MYRIP: variants seen among roughly 807,000 people sequenced by gnomAD.
MYRIP encodes myosin VIIA and Rab interacting protein, also known as rab effector MyRIP.
MYRIP carries 49 observed loss-of-function variants against 98.0 expected under a neutral mutation model. That is an observed-to-expected ratio of 0.50 (90% CI 0.40 to 0.63). MYRIP has a LOEUF of 0.63. Ranked by LOEUF, MYRIP falls within the 30% of genes least tolerant of loss-of-function variation. The pLI is 0.00. For synonymous variants in MYRIP, 404 were observed against 409.5 expected (o/e 0.99, Z 0.16); for missense variants, 1,004 against 1,058.2 (o/e 0.95, Z 0.71).
chr3:39,971,432 A>G (rs147943107), intron 2 of MYRIP, among the ~76,000 whole-genome samples: 2 of 152,044 alleles, frequency 1.3e-5, no homozygotes, highest in South Asian at 2.1e-4. Flanking sequence ...TAGATAATAG[A>G]TAGTGTATAT....
At chr3:39,882,864 C>A (rs558564692) in intron 1 of MYRIP, among the ~76,000 whole-genome samples, 1 of 152,042 alleles carries the variant, frequency 6.6e-6, no homozygotes, top group Non-Finnish European at 1.5e-5. Context: ...ACCTGCCCCC[C>A]CTCCGCATTA....
intron 9 of MYRIP, among the ~76,000 whole-genome samples, chr3:40,189,603 TC>T (rs1951143183): frequency 6.6e-6 from 1 of 152,190 alleles, no homozygotes; most frequent in South Asian, 2.1e-4. Context: ...TCTCTGAGTT[TC>T]TCTGCATCTG....
intron 3 of MYRIP, among the ~76,000 whole-genome samples, chr3:40,137,173 T>C (rs1373830553): frequency 6.6e-6 from 1 of 151,946 alleles, no homozygotes; most frequent in East Asian, 1.9e-4. Flanking sequence ...AAGAATCAAA[T>C]AGACGCAATA....
At chr3:40,229,605 G>A (rs1340799321) in intron 11 of MYRIP, among the ~76,000 whole-genome samples, 1 of 152,218 alleles carries the variant, frequency 6.6e-6, no homozygotes, top group Non-Finnish European at 1.5e-5. Flanking sequence ...CAGGCTGAGA[G>A]GAGTCAGATC....
chr3:40,258,273 C>T lies in MYRIP; in HGVS notation c.*107C>T. 4.5e-6 allele frequency: 6 copies of T among 1,332,728 alleles called. No individual in the cohort carries two copies. Among genetic ancestry groups the T allele is most frequent in the Non-Finnish European group, 6.5e-6 (6 of 929,312 alleles). 82.6% of individuals were successfully genotyped at this position (1,332,728 alleles called of 1,614,324 possible). ...TATGTATTTCCACCTGAGGAGAAGGCCTGGGGAGGCCACAGTGCACCATTG... is the reference window on the plus strand; with the variant it reads ...TATGTATTTCCACCTGAGGAGAAGGTCTGGGGAGGCCACAGTGCACCATTG... On this transcript the variant is annotated 3_prime_UTR_variant, in exon 17 of 17. Coordinates refer to ENST00000302541, the MANE Select transcript of MYRIP (RefSeq NM_015460.4).
intron 2 of MYRIP, among the ~76,000 whole-genome samples, chr3:39,919,655 A>G (rs1436844397): frequency 6.6e-6 from 1 of 150,392 alleles, no homozygotes; most frequent in Non-Finnish European, 1.5e-5. Flanking sequence ...GTAGGCCTGT[A>G]ATGGCCCACA....
At chr3:40,002,864 A>G (rs1575455834) in intron 2 of MYRIP, among the ~76,000 whole-genome samples, 1 of 152,138 alleles carries the variant, frequency 6.6e-6, no homozygotes, top group African/African-American at 2.4e-5. Context: ...ATACAAATAT[A>G]TAAGTGTCTA....
intron 2 of MYRIP, among the ~76,000 whole-genome samples, chr3:39,922,640 C>T (rs1055328664): frequency 1.3e-5 from 2 of 152,224 alleles, no homozygotes; most frequent in African/African-American, 4.8e-5. Context: ...GGAGCTCCCT[C>T]CTCAGGTATC....
intron 2 of MYRIP, among the ~76,000 whole-genome samples, chr3:39,911,514 G>A (rs1269100704): frequency 6.6e-6 from 1 of 152,084 alleles, no homozygotes; most frequent in East Asian, 1.9e-4. Flanking sequence ...AAGCTTTTGT[G>A]GCCTTAATTC....
chr3:39,994,768 C>T (rs1483586977), intron 2 of MYRIP, among the ~76,000 whole-genome samples: 1 of 152,230 alleles, frequency 6.6e-6, no homozygotes, highest in Non-Finnish European at 1.5e-5. Context: ...CCCCGAGTAG[C>T]CTAACTGGGA....
chr3:40,040,642 T>C (rs1357125356), intron 2 of MYRIP, among the ~76,000 whole-genome samples: 3 of 68,700 alleles, frequency 4.4e-5, no homozygotes, highest in Non-Finnish European at 8.1e-5. Flanking sequence ...TGGAATACTA[T>C]GCAGCCATAA....
chr3:39,972,903 A>T (rs993810997), intron 2 of MYRIP, among the ~76,000 whole-genome samples: 12 of 151,902 alleles, frequency 7.9e-5, no homozygotes, highest in Non-Finnish European at 1.6e-4. Flanking sequence ...GGTGCAGCTG[A>T]TGAGTAATGT....
chr3:40,030,639 G>A (rs1487780517), intron 2 of MYRIP, among the ~76,000 whole-genome samples: 1 of 152,192 alleles, frequency 6.6e-6, no homozygotes. Context: ...ATATTATTTA[G>A]CAGTAAAAAG....
chr3:39,924,334 A>G (rs936601127), intron 2 of MYRIP, among the ~76,000 whole-genome samples: 1 of 152,144 alleles, frequency 6.6e-6, no homozygotes, highest in Non-Finnish European at 1.5e-5. Flanking sequence ...GATTAGCTAT[A>G]TGAATATCTG....
chr3:40,131,710 T>C (rs1949645746), intron 3 of MYRIP, among the ~76,000 whole-genome samples: 1 of 152,242 alleles, frequency 6.6e-6, no homozygotes, highest in Non-Finnish European at 1.5e-5. Flanking sequence ...CAGTTACATT[T>C]TGCTACATTA....
chr3:39,928,752 T>C (rs1286585276), intron 2 of MYRIP, among the ~76,000 whole-genome samples: 1 of 151,954 alleles, frequency 6.6e-6, no homozygotes, highest in Non-Finnish European at 1.5e-5. Context: ...GACTGAATGC[T>C]TCCCCCTTAA....
intron 9 of MYRIP, among the ~76,000 whole-genome samples, chr3:40,185,986 C>T (rs1467382626): frequency 5.3e-5 from 8 of 152,090 alleles, no homozygotes; most frequent in South Asian, 4.1e-4. Context: ...GTGAAGAAGA[C>T]GTGGCTCTGC....
Position 40,167,228 on chromosome 3 carries a change from A to G in MYRIP, c.718A>G (p.Ile240Val), listed in dbSNP as rs1472235149. 14 of 1,614,112 alleles carry G rather than the reference A, an allele frequency of 8.7e-6. No homozygotes were observed. The highest frequency in any genetic ancestry group is 4.5e-5 in the East Asian group (2 of 44,876). ...EELTEELATT[I>V]LQKIIRKQKS... ...GCTAACTGAGGAACTGGCCACGACA[A>G]TCCTGCAGAAGGTAGGTGGGTCCTG... The change falls in exon 7 of 17, where the codon ATC (isoleucine) becomes GTC (valine). Residue 240 changes from isoleucine (I) to valine (V), a missense_variant. By Grantham distance (29) the Ile-to-Val change is conservative. Around this residue, in one of 3 missense-constraint regions of MYRIP, gnomAD observed 880 missense variants for 907.7 expected, o/e 0.97. Transcript: ENST00000302541.
At chr3:39,884,331 C>CA (rs1943233223) in intron 1 of MYRIP, among the ~76,000 whole-genome samples, 1 of 152,092 alleles carries the variant, frequency 6.6e-6, no homozygotes, top group Non-Finnish European at 1.5e-5. Flanking sequence ...AGAAAGAAAA[C>CA]ACAATTGTGA....
Sources: allele counts gnomAD v4.1 joint callset (sites outside exome capture counted in the v4.1 genomes callset), GRCh38; gene constraint gnomAD v4.1.1; regional missense constraint gnomAD v4.1.1; transcripts MANE v1.5; gene names NCBI Gene and HGNC (gene_info 2026-07-23, HGNC 2026-07-21).